NTM: variants seen among roughly 807,000 people sequenced by gnomAD.
NTM encodes IgLON family member 2.
In NTM, 13 loss-of-function variants were observed where a neutral mutation model predicts 42.1. The ratio of observed to expected loss-of-function variants is 0.31; its 90% CI spans 0.20 to 0.49. The LOEUF is 0.49. NTM is among the 20% of genes least tolerant of loss of function. The pLI, the probability that NTM is intolerant of heterozygous loss-of-function variation, is 0.99. For synonymous variants in NTM, 187 were observed against 179.2 expected (o/e 1.04, Z -0.35); for missense variants, 373 against 452.8 (o/e 0.82, Z 1.60).
chr11:132,069,898 A>G (rs1317329780), intron 2 of NTM, among the ~76,000 whole-genome samples: 6 of 149,660 alleles, frequency 4.0e-5, no homozygotes, highest in African/African-American at 1.5e-4. Context: ...GTTAGTTTAC[A>G]CGTCACACAG....
chr11:132,035,463 T>C (rs1230338422), intron 2 of NTM, among the ~76,000 whole-genome samples: 1 of 152,256 alleles, frequency 6.6e-6, no homozygotes, highest in African/African-American at 2.4e-5. Context: ...CCACACAGAA[T>C]TTCTTAATGC....
chr11:131,444,341 A>G (rs1949872658), intron 1 of NTM, among the ~76,000 whole-genome samples: 1 of 152,138 alleles, frequency 6.6e-6, no homozygotes, highest in Non-Finnish European at 1.5e-5. Context: ...GTCTTATGGA[A>G]AGAGAAAGAA....
intron 1 of NTM, among the ~76,000 whole-genome samples, chr11:131,803,935 A>G (rs746742092): frequency 2.6e-5 from 4 of 152,214 alleles, no homozygotes; most frequent in Non-Finnish European, 5.9e-5. Context: ...CTCTGTGGGA[A>G]TGATGCCTAA....
chr11:131,385,878 A>G (rs1943256693), intron 1 of NTM, among the ~76,000 whole-genome samples: 1 of 152,216 alleles, frequency 6.6e-6, no homozygotes, highest in Non-Finnish European at 1.5e-5. Flanking sequence ...AAAATAAAAC[A>G]GAACAACATT....
At chr11:131,636,311 T>C (rs1016827499) in intron 1 of NTM, among the ~76,000 whole-genome samples, 1 of 152,142 alleles carries the variant, frequency 6.6e-6, no homozygotes, top group Non-Finnish European at 1.5e-5. Context: ...CAGCTTTATA[T>C]ATAGCTGTCT....
chr11:132,119,948 G>T (rs2136910345), intron 2 of NTM, among the ~76,000 whole-genome samples: 1 of 152,318 alleles, frequency 6.6e-6, no homozygotes, highest in Admixed American at 6.5e-5. Flanking sequence ...GCTATATAAA[G>T]AGTATATGTT....
At chr11:131,868,420 G>C (rs767200271) in intron 1 of NTM, among the ~76,000 whole-genome samples, 9 of 152,044 alleles carry the variant, frequency 5.9e-5, no homozygotes, top group Non-Finnish European at 1.3e-4. Context: ...TCCGCACTCC[G>C]GCCCTCTCCA....
chr11:132,042,156 C>T (rs1457400053), intron 2 of NTM, among the ~76,000 whole-genome samples: 1 of 152,162 alleles, frequency 6.6e-6, no homozygotes, highest in Non-Finnish European at 1.5e-5. Context: ...CATGTCTACA[C>T]GTTTTCCTCT....
chr11:131,757,336 C>T (rs1282560049), intron 1 of NTM, among the ~76,000 whole-genome samples: 2 of 152,170 alleles, frequency 1.3e-5, no homozygotes, highest in Non-Finnish European at 2.9e-5. Context: ...GCTTTGTAAC[C>T]AATTCTCTTA....
intron 1 of NTM, among the ~76,000 whole-genome samples, chr11:131,657,373 C>T (rs988339132): frequency 6.6e-6 from 1 of 152,140 alleles, no homozygotes; most frequent in Admixed American, 6.5e-5. Context: ...GTCAAGCTTT[C>T]CCTGGCGTGG....
intron 2 of NTM, among the ~76,000 whole-genome samples, chr11:132,020,483 G>C (rs2074167948): frequency 6.6e-6 from 1 of 151,528 alleles, no homozygotes; most frequent in Non-Finnish European, 1.5e-5. Flanking sequence ...TTTAATTATT[G>C]TATTAATATT....
chr11:131,507,274 T>C (rs1293950176), intron 1 of NTM, among the ~76,000 whole-genome samples: 1 of 152,082 alleles, frequency 6.6e-6, no homozygotes, highest in Non-Finnish European at 1.5e-5. Context: ...TTTCTACATA[T>C]GGCTAGCCAG....
intron 1 of NTM, among the ~76,000 whole-genome samples, chr11:131,592,641 A>T (rs1239326378): frequency 8.4e-6 from 1 of 118,778 alleles, no homozygotes; most frequent in African/African-American, 3.5e-5. Flanking sequence ...ACACACACAC[A>T]CCCCAAACAC....
At chr11:131,690,010 G>T (rs1253894687) in intron 1 of NTM, among the ~76,000 whole-genome samples, 2 of 152,162 alleles carry the variant, frequency 1.3e-5, no homozygotes, top group Admixed American at 6.5e-5. Flanking sequence ...TGAACCTGGT[G>T]GTCTCACAGG....
At chr11:131,926,636 A>T (rs770433784) in intron 2 of NTM, among the ~76,000 whole-genome samples, 1 of 152,204 alleles carries the variant, frequency 6.6e-6, no homozygotes, top group Non-Finnish European at 1.5e-5. Context: ...GCTGTGAATG[A>T]TGATAGGAGC....
intron 4 of NTM, among the ~76,000 whole-genome samples, chr11:132,216,798 A>G (rs570840531): frequency 1.4e-4 from 21 of 152,344 alleles, no homozygotes; most frequent in African/African-American, 4.3e-4. Flanking sequence ...TTCAAAGACT[A>G]TCTTGATCCT....
At chr11:132,279,350 C>T (rs936096535) in intron 4 of NTM, among the ~76,000 whole-genome samples, 3 of 152,194 alleles carry the variant, frequency 2.0e-5, no homozygotes, top group African/African-American at 7.2e-5. Flanking sequence ...TCTGCTTCCT[C>T]CTCCATTCTG....
At chr11:132,240,289 G>C (rs900858724) in intron 4 of NTM, among the ~76,000 whole-genome samples, 1 of 152,158 alleles carries the variant, frequency 6.6e-6, no homozygotes, top group Admixed American at 6.5e-5. Flanking sequence ...CCTCAACTCT[G>C]TAAGCAGTTT....
At chr11:131,548,847 T>C (rs746516960) in intron 1 of NTM, among the ~76,000 whole-genome samples, 6 of 152,224 alleles carry the variant, frequency 3.9e-5, no homozygotes, top group Non-Finnish European at 7.4e-5. Flanking sequence ...AGTTACCAAA[T>C]ACCTGGGAAT....
Sources: allele counts gnomAD v4.1 joint callset (sites outside exome capture counted in the v4.1 genomes callset), GRCh38; gene constraint gnomAD v4.1.1; transcripts MANE v1.5; gene names NCBI Gene and HGNC (gene_info 2026-07-23, HGNC 2026-07-21).